MDGA2: variants seen among roughly 807,000 people sequenced by gnomAD.
MDGA2 encodes the protein MAM domain containing glycosylphosphatidylinositol anchor 2.
In MDGA2, 40 loss-of-function variants were observed where a neutral mutation model predicts 117.8. That is an observed-to-expected ratio of 0.34 (90% CI 0.26 to 0.44). MDGA2 has a LOEUF of 0.44. Among genes scored for constraint, MDGA2 ranks in the 20% least tolerant of loss-of-function variants. The pLI is 1.00. For synonymous variants in MDGA2, 452 were observed against 439.0 expected, an observed-to-expected ratio of 1.03 and a Z score of -0.37; for missense variants, 1,123 against 1,250.6, an observed-to-expected ratio of 0.90 and a Z score of 1.54.
intron 8 of MDGA2, among the ~76,000 whole-genome samples, chr14:46,993,068 A>T (rs1017650287): frequency 2.9e-5 from 4 of 139,806 alleles, no homozygotes; most frequent in Non-Finnish European, 4.5e-5. Context: ...AGTTATCCTT[A>T]AAAAAAAAAA....
intron 5 of MDGA2, among the ~76,000 whole-genome samples, chr14:47,129,540 C>T (rs1444325414): frequency 6.9e-6 from 1 of 145,594 alleles, no homozygotes; most frequent in South Asian, 2.2e-4. Flanking sequence ...TGAATAATGC[C>T]GCAATAAACA....
intron 1 of MDGA2, among the ~76,000 whole-genome samples, chr14:47,467,031 T>C (rs923323388): frequency 6.6e-6 from 1 of 152,048 alleles, no homozygotes; most frequent in Non-Finnish European, 1.5e-5. Context: ...ACTGAAGTAA[T>C]TGTAACTAAG....
chr14:47,247,399 G>A (rs554844900), intron 2 of MDGA2, among the ~76,000 whole-genome samples: 1 of 150,892 alleles, frequency 6.6e-6, no homozygotes, highest in Admixed American at 6.6e-5. Flanking sequence ...CTGCCTCGCA[G>A]GTTCAAGCAA....
intron 6 of MDGA2, among the ~76,000 whole-genome samples, chr14:47,090,913 GC>G (rs1879614247): frequency 1.3e-5 from 2 of 152,122 alleles, no homozygotes; most frequent in Non-Finnish European, 2.9e-5. Flanking sequence ...GAAGATTACT[GC>G]AGACCTAGCC....
chr14:46,895,139 A>C (rs1196502524), intron 10 of MDGA2, among the ~76,000 whole-genome samples: 1 of 152,070 alleles, frequency 6.6e-6, no homozygotes, highest in South Asian at 2.1e-4. Flanking sequence ...TCTCCACCCA[A>C]ATCTCATCTT....
chr14:47,054,774 T>C lies in MDGA2; in HGVS notation c.1525+6475A>G, dbSNP rs988324098. Among the ~76,000 whole-genome samples the C allele has an allele frequency of 4.0e-4, 61 of 151,688 alleles. 1 individual carries two copies. The highest frequency in any genetic ancestry group is 6.8e-4 in the Non-Finnish European group (46 of 67,922). On this transcript the variant is annotated intron_variant, in intron 7 of 16. Coordinates refer to ENST00000399232, the MANE Select transcript of MDGA2 (RefSeq NM_001113498.3). ...GGGAAAGGATTCCCTATTTAATAAA[T>C]GGTGCTGGGAAAACTGGCTAGCCAT... is the stretch of plus-strand genomic sequence containing the variant.
intron 1 of MDGA2, among the ~76,000 whole-genome samples, chr14:47,628,715 G>A (rs1897197492): frequency 6.6e-6 from 1 of 152,152 alleles, no homozygotes; most frequent in South Asian, 2.1e-4. Flanking sequence ...AAATATGACG[G>A]ATACTATGAT....
chr14:47,535,592 C>T (rs182764332), intron 1 of MDGA2, among the ~76,000 whole-genome samples: 1 of 152,220 alleles, frequency 6.6e-6, no homozygotes, highest in Admixed American at 6.5e-5. Context: ...GGAAGGAGTG[C>T]ATTTCAATAA....
At chr14:47,242,474 G>C (rs1887077012) in intron 2 of MDGA2, among the ~76,000 whole-genome samples, 1 of 151,900 alleles carries the variant, frequency 6.6e-6, no homozygotes, top group Non-Finnish European at 1.5e-5. Flanking sequence ...GGGGCTGCGT[G>C]TGGCGCTTGC....
Position 47,380,900 on chromosome 14 carries a change from C to T in MDGA2, c.281-79350G>A, listed in dbSNP as rs188851396. Among the ~76,000 whole-genome samples, 79 of 152,120 alleles carry T rather than the reference C, an allele frequency of 5.2e-4. No individual in the cohort carries two copies. In the South Asian group the frequency reaches 9.6e-3, roughly 18 times the overall value. On this transcript the variant is annotated intron_variant, in intron 1 of 16. Coordinates refer to ENST00000399232, the MANE Select transcript of MDGA2 (RefSeq NM_001113498.3). ...TCCTGATACCAAAGCCTGGCAGAGACACACAAAAAAAGAGAATTTTAGACC... is the reference window on the plus strand; with the variant it reads ...TCCTGATACCAAAGCCTGGCAGAGATACACAAAAAAAGAGAATTTTAGACC...
At chr14:47,304,236 G>A (rs1889370446) in intron 1 of MDGA2, among the ~76,000 whole-genome samples, 1 of 152,078 alleles carries the variant, frequency 6.6e-6, no homozygotes, top group Admixed American at 6.6e-5. Flanking sequence ...GTTCATATAG[G>A]TCAGCACTCT....
chr14:47,571,071 C>G (rs1424975575), intron 1 of MDGA2, among the ~76,000 whole-genome samples: 1 of 152,106 alleles, frequency 6.6e-6, no homozygotes, highest in Non-Finnish European at 1.5e-5. Context: ...AAAAAACAAA[C>G]AACCCCATCA....
At chr14:47,084,989 C>T (rs1448845371) in intron 6 of MDGA2, among the ~76,000 whole-genome samples, 1 of 151,454 alleles carries the variant, frequency 6.6e-6, no homozygotes, top group Non-Finnish European at 1.5e-5. Flanking sequence ...AAGCTACAGC[C>T]AATAACAAAA....
intron 1 of MDGA2, among the ~76,000 whole-genome samples, chr14:47,507,738 T>G (rs1594891893): frequency 6.6e-6 from 1 of 152,238 alleles, no homozygotes; most frequent in Non-Finnish European, 1.5e-5. Flanking sequence ...GGATCTTATC[T>G]TCAGTGTCAG....
intron 1 of MDGA2, among the ~76,000 whole-genome samples, chr14:47,580,449 A>G (rs1159649862): frequency 6.6e-6 from 1 of 152,052 alleles, no homozygotes. Flanking sequence ...AGGTTTCAAC[A>G]TATCAATTTT....
At chr14:47,273,830 A>G (rs1161864159) in intron 2 of MDGA2, among the ~76,000 whole-genome samples, 1 of 152,168 alleles carries the variant, frequency 6.6e-6, no homozygotes, top group Admixed American at 6.6e-5. Flanking sequence ...GACCCTGGCA[A>G]AAGTTTAGAA....
intron 8 of MDGA2, among the ~76,000 whole-genome samples, chr14:46,964,453 T>C (rs75113888): frequency 0.12 from 17,982 of 152,118 alleles, 2,017 homozygotes; most frequent in African/African-American, 0.27. Flanking sequence ...CATTAAGGCA[T>C]AGTTTAAGGG....
intron 2 of MDGA2, among the ~76,000 whole-genome samples, chr14:47,275,828 T>G (rs1268640373): frequency 6.6e-6 from 1 of 152,176 alleles, no homozygotes; most frequent in Non-Finnish European, 1.5e-5. Context: ...ACTTCACTTC[T>G]GCATGAGAGC....
At chr14:47,266,436 C>T (rs1326084305) in intron 2 of MDGA2, among the ~76,000 whole-genome samples, 2 of 152,168 alleles carry the variant, frequency 1.3e-5, no homozygotes, top group Admixed American at 6.6e-5. Flanking sequence ...AATGTAACTA[C>T]GAGTCTTCTA....
Sources: allele counts gnomAD v4.1 joint callset (sites outside exome capture counted in the v4.1 genomes callset), GRCh38; gene constraint gnomAD v4.1.1; transcripts MANE v1.5; gene names NCBI Gene and HGNC (gene_info 2026-07-23, HGNC 2026-07-21).